Variants in GRAMD1C observed in about 807,000 individuals in gnomAD.
GRAMD1C encodes protein Aster-C.
GRAMD1C carries 89 observed loss-of-function variants against 97.8 expected under a neutral mutation model. The observed-to-expected ratio is 0.91, with a 90% CI of 0.77 to 1.09. The LOEUF (loss-of-function observed/expected upper bound fraction) is 1.09, where lower values mean the gene tolerates loss of function less well. GRAMD1C is among the 50% of genes least tolerant of loss of function. GRAMD1C has a pLI of 0.00. For missense variants in GRAMD1C, 740 were observed against 766.4 expected, an observed-to-expected ratio of 0.97 and a Z score of 0.41; for synonymous variants, 256 against 267.0, an observed-to-expected ratio of 0.96 and a Z score of 0.40.
chr3:113,835,936 T>G (rs367851856), upstream of GRAMD1C, among the ~76,000 whole-genome samples: 3 of 152,184 alleles, frequency 2.0e-5, no homozygotes, highest in Non-Finnish European at 4.4e-5. Flanking sequence ...TCTTATTAAG[T>G]AATTTGTCCT....
At chr3:113,913,786 A>G (rs1936700064) in intron 9 of GRAMD1C, among the ~76,000 whole-genome samples, 2 of 152,176 alleles carry the variant, frequency 1.3e-5, no homozygotes. Flanking sequence ...GGGTAAAATA[A>G]TGAATCTGTG....
intron 17 of GRAMD1C, among the ~76,000 whole-genome samples, chr3:113,942,716 G>C (rs1937864158): frequency 6.6e-6 from 1 of 152,222 alleles, no homozygotes; most frequent in Admixed American, 6.5e-5. Flanking sequence ...CCTCAAGCCA[G>C]GCAGCCAGAG....
At chr3:113,828,704 C>T (rs112798363) in intron 1 of GRAMD1C, among the ~76,000 whole-genome samples, 88 of 152,206 alleles carry the variant, frequency 5.8e-4, no homozygotes, top group Non-Finnish European at 1.1e-3. Context: ...TTGCTCATGT[C>T]GCTTTCTTCT....
chr3:113,838,631 G>A, upstream of GRAMD1C: 2 of 356,746 alleles, frequency 5.6e-6, no homozygotes. Flanking sequence ...TTGGGGCAGG[G>A]TATGCCATTT....
chr3:113,890,770 A>C (rs759101046), intron 6 of GRAMD1C: 1 of 698,510 alleles, frequency 1.4e-6, no homozygotes, highest in South Asian at 1.5e-5. Context: ...GTGAGTTGGG[A>C]TATGTCCTTA....
At chr3:113,887,781 A>G (rs1442180608) in intron 6 of GRAMD1C, among the ~76,000 whole-genome samples, 11 of 151,700 alleles carry the variant, frequency 7.3e-5, no homozygotes, top group Middle Eastern at 3.2e-3. Flanking sequence ...GAAGACTACA[A>G]TTGTAAAATT....
At chr3:113,896,308 A>T (rs144847623) in intron 6 of GRAMD1C, among the ~76,000 whole-genome samples, 1 of 152,086 alleles carries the variant, frequency 6.6e-6, no homozygotes, top group Non-Finnish European at 1.5e-5. Flanking sequence ...CTTTCATGAC[A>T]TTCTTTCTGG....
rs529305399 is a variant in GRAMD1C, at chr3:113,873,050, G to A, written c.260-2434G>A. ...GGAGCTTGCAGTGAGCTGAGATCAC[G>A]CCACTGCACTCCAGCCTGGGCGACA... On this transcript the variant is annotated intron_variant, in intron 3 of 17. Coordinates refer to ENST00000358160, the MANE Select transcript of GRAMD1C (RefSeq NM_017577.5). Among the ~76,000 whole-genome samples the A allele has an allele frequency of 4.8e-4, 60 of 126,034 alleles. 1 individual carries two copies. The South Asian group carries it at 0.012, about 26-fold the overall frequency. 82.7% of individuals were successfully genotyped at this position (126,034 alleles called of 152,430 possible). A position where few individuals can be genotyped will look rare whatever the true frequency, so the allele number is the denominator to read the frequency against.
Position 113,938,103 on chromosome 3 carries a change from G to A in GRAMD1C, c.1651G>A (p.Glu551Lys), listed in dbSNP as rs764811778. 48 of 1,533,298 alleles carry A rather than the reference G, an allele frequency of 3.1e-5. No individual in the cohort carries two copies. The South Asian group carries it at 5.4e-4, about 17-fold the overall frequency. 95.0% of individuals were successfully genotyped at this position (1,533,298 alleles called of 1,614,324 possible). ...ATCTACAGGAAAGAAAAAGGAAATG[G>A]AAAACTATAACGTCACTCTTATTGT... Reference protein sequence around the residue: ...GDITGKKKEMENYNVTLIVVM... With the variant: ...GDITGKKKEMKNYNVTLIVVM... The change falls in exon 15 of 18, where the codon GAA becomes AAA. Residue 551 changes from glutamate to lysine, a missense_variant. Glu to Lys is a moderately conservative substitution (Grantham distance 56, BLOSUM62 1). Transcript: ENST00000358160.
chr3:113,844,466 CA>C (rs559302956), intron 1 of GRAMD1C, 36 bp from the exon 2 acceptor site: 11 of 1,470,012 alleles, frequency 7.5e-6, no homozygotes, highest in Non-Finnish European at 1.0e-5. Flanking sequence ...GGCCATTTCT[CA>C]ATAAATAATT....
chr3:113,857,265 C>G lies in GRAMD1C; in HGVS notation c.175-12242C>G, dbSNP rs192748372. 3.1e-4 allele frequency among the ~76,000 whole-genome samples: 47 copies of G among 152,172 alleles called. No individual in the cohort carries two copies. In the East Asian group the frequency reaches 7.1e-3, roughly 23 times the overall value. ...GAACGGTGAGAGTGGACATTCTTGC[C>G]TTTTTTCTGATCTTGCGAGGAAATC... On this transcript the variant is annotated intron_variant, in intron 2 of 17. Coordinates refer to ENST00000358160, the MANE Select transcript of GRAMD1C (RefSeq NM_017577.5).
chr3:113,897,107 C>T (rs958506726), intron 6 of GRAMD1C, among the ~76,000 whole-genome samples: 4 of 152,064 alleles, frequency 2.6e-5, no homozygotes, highest in East Asian at 1.9e-4. Flanking sequence ...TATTTCCTTA[C>T]GTTACATTTA....
At chr3:113,922,800 T>G (rs1577209461) in intron 10 of GRAMD1C, among the ~76,000 whole-genome samples, 1 of 152,322 alleles carries the variant, frequency 6.6e-6, no homozygotes, top group East Asian at 1.9e-4. Flanking sequence ...AGTTTTTTCC[T>G]AATTCTGTGA....
intron 6 of GRAMD1C, among the ~76,000 whole-genome samples, chr3:113,896,463 A>G (rs1935953298): frequency 6.6e-6 from 1 of 152,132 alleles, no homozygotes; most frequent in Non-Finnish European, 1.5e-5. Flanking sequence ...GCTCTGCCCT[A>G]CATAGCAGTG....
At chr3:113,868,880 A>G (rs1934685374) in intron 2 of GRAMD1C, among the ~76,000 whole-genome samples, 1 of 152,066 alleles carries the variant, frequency 6.6e-6, no homozygotes, top group Non-Finnish European at 1.5e-5. Context: ...AGGCCCATCT[A>G]TGGCTTCCTC....
intron 10 of GRAMD1C, among the ~76,000 whole-genome samples, chr3:113,918,845 A>G (rs1936930339): frequency 2.6e-5 from 4 of 152,098 alleles, no homozygotes. Context: ...GGTGTGCACC[A>G]CAATGCCCGG....
rs190950009 is a variant in GRAMD1C at position 113,844,666 on chromosome 3, C to T, written c.174+17C>T. On this transcript the variant is annotated intron_variant, in intron 2 of 17. Coordinates refer to ENST00000358160, the MANE Select transcript of GRAMD1C (RefSeq NM_017577.5). ...AGCTTTTGGGTAATTTCTTTTTTTACGTCTTTATTTTAATCTTGAATACAA... is the reference window on the plus strand; with the variant it reads ...AGCTTTTGGGTAATTTCTTTTTTTATGTCTTTATTTTAATCTTGAATACAA... The T allele has an allele frequency of 1.6e-5, 25 of 1,545,946 alleles. No homozygotes were observed. Among genetic ancestry groups the T allele is most frequent in the East Asian group, 2.3e-5 (1 of 42,874 alleles).
chr3:113,858,659 G>A (rs1312105261), intron 2 of GRAMD1C, among the ~76,000 whole-genome samples: 1 of 152,114 alleles, frequency 6.6e-6, no homozygotes, highest in Non-Finnish European at 1.5e-5. Flanking sequence ...TTCCCAAAGT[G>A]CTGGGATTAC....
intron 1 of GRAMD1C, among the ~76,000 whole-genome samples, chr3:113,832,046 T>C (rs966386002): frequency 6.6e-6 from 1 of 150,580 alleles, no homozygotes; most frequent in Non-Finnish European, 1.5e-5. Flanking sequence ...TTTGTTTTTT[T>C]TGAGACAGAG....
Sources: gnomAD v4.1 joint callset for allele counts (sites outside exome capture counted in the v4.1 genomes callset) on GRCh38, gnomAD v4.1.1 for gene constraint, MANE v1.5 for transcripts, NCBI Gene and HGNC (gene_info 2026-07-23, HGNC 2026-07-21) for gene names.